BLTP1: variants seen among roughly 807,000 people sequenced by gnomAD.
BLTP1 encodes fragile site-associated protein.
chr4:122,353,692 A>G, the BLTP1 span: 1 of 1,180,742 alleles, frequency 8.5e-7, no homozygotes, highest in Non-Finnish European at 1.1e-6. The surrounding 1 kb of genome is among the most constrained non-coding windows in gnomAD (Gnocchi z 4.3). Flanking sequence ...ATCCTCATTT[A>G]TTCTTCATTT....
At chr4:122,189,855 T>A in the BLTP1 span, 2 of 1,285,124 alleles carry the variant, frequency 1.6e-6, no homozygotes, top group Non-Finnish European at 2.0e-6. Context: ...AAGATGTTTT[T>A]CTTTCTTTTC....
chr4:122,316,444 C>T, the BLTP1 span: 64 of 485,436 alleles, frequency 1.3e-4, 1 homozygote, highest in Admixed American at 7.7e-4. Flanking sequence ...CCCAAATCAG[C>T]GCCATTCTGT....
the BLTP1 span, chr4:122,215,538 G>A: frequency 1.0e-6 from 1 of 985,380 alleles, no homozygotes; most frequent in Non-Finnish European, 1.2e-6. Context: ...ACAGATGGAA[G>A]TATCAAAGGA....
the BLTP1 span, among the ~76,000 whole-genome samples, chr4:122,184,270 A>G: frequency 6.6e-6 from 1 of 152,222 alleles, no homozygotes; most frequent in Admixed American, 6.5e-5. Context: ...CCATCTCTGC[A>G]GTGTAAGTAA....
chr4:122,261,877 G>C, the BLTP1 span: 2 of 985,382 alleles, frequency 2.0e-6, no homozygotes, highest in Non-Finnish European at 2.4e-6. Context: ...TCATCTAAGT[G>C]AGGATGACTG....
chr4:122,338,690 A>T, the BLTP1 span, among the ~76,000 whole-genome samples: 3 of 151,544 alleles, frequency 2.0e-5, no homozygotes, highest in Non-Finnish European at 2.9e-5. Flanking sequence ...AGGAATTACT[A>T]AAAAAAGAGA....
At chr4:122,207,187 A>G in the BLTP1 span, 1 of 1,612,116 alleles carries the variant, frequency 6.2e-7, no homozygotes. Flanking sequence ...TTTTAAAATC[A>G]TGTTTCATCA....
the BLTP1 span, among the ~76,000 whole-genome samples, chr4:122,154,688 A>G: frequency 2.6e-5 from 4 of 152,240 alleles, no homozygotes; most frequent in Middle Eastern, 3.4e-3. Context: ...CCTGGCTAAC[A>G]TGGTGAAACC....
At chr4:122,330,174 T>C in the BLTP1 span, among the ~76,000 whole-genome samples, 2 of 151,846 alleles carry the variant, frequency 1.3e-5, no homozygotes, top group Non-Finnish European at 2.9e-5. Context: ...TTGTGAAAAA[T>C]GCTGCAGTGA....
At chr4:122,174,054 G>C in the BLTP1 span, 1 of 220,524 alleles carries the variant, frequency 4.5e-6, no homozygotes, top group Non-Finnish European at 7.7e-6. Flanking sequence ...AAATAGGAGG[G>C]TGTATTAGGA....
the BLTP1 span, chr4:122,324,318 T>G: frequency 8.9e-7 from 1 of 1,121,930 alleles, no homozygotes; most frequent in Non-Finnish European, 1.2e-6. Context: ...AACATTAAAG[T>G]CCCCTGGGGA....
chr4:122,183,004 A>G, the BLTP1 span: 2 of 985,212 alleles, frequency 2.0e-6, no homozygotes, highest in Non-Finnish European at 1.2e-6. Context: ...GAGATGTAAT[A>G]TTTCATGATC....
chr4:122,220,256 T>G, the BLTP1 span: 3 of 1,461,536 alleles, frequency 2.1e-6, no homozygotes, highest in African/African-American at 4.3e-5. Context: ...TCATGACAGA[T>G]GTAATTTTTA....
chr4:122,274,757 T>A, the BLTP1 span: 2 of 332,798 alleles, frequency 6.0e-6, no homozygotes, highest in Non-Finnish European at 8.6e-6. Flanking sequence ...AATGTTGTGC[T>A]ACTGTTATCC....
At chr4:122,226,471 T>A in the BLTP1 span, 2 of 1,266,210 alleles carry the variant, frequency 1.6e-6, no homozygotes, top group Non-Finnish European at 2.0e-6. Context: ...TCAGTTGCAA[T>A]TAGTTTTCAT....
the BLTP1 span, chr4:122,190,006 G>A: frequency 5.3e-5 from 85 of 1,611,932 alleles, no homozygotes; most frequent in Non-Finnish European, 6.8e-5. Context: ...ATAGACCACC[G>A]AGATTAATGG....
At chr4:122,306,786 T>C in the BLTP1 span, 1 of 550,790 alleles carries the variant, frequency 1.8e-6, no homozygotes, top group Non-Finnish European at 2.3e-6. Context: ...CTAATTAATG[T>C]GGATTGGGCA....
the BLTP1 span, among the ~76,000 whole-genome samples, chr4:122,156,629 A>G: frequency 1.3e-5 from 2 of 152,214 alleles, no homozygotes; most frequent in Non-Finnish European, 2.9e-5. Flanking sequence ...TATTTCAGAA[A>G]GTTTAGTTGT....
the BLTP1 span, chr4:122,239,882 A>G: frequency 1.9e-6 from 3 of 1,613,880 alleles, no homozygotes; most frequent in Non-Finnish European, 1.7e-6. Context: ...CTGCTGAGGA[A>G]TTTGAGCCCA....
Sources: allele counts gnomAD v4.1 joint callset (sites outside exome capture counted in the v4.1 genomes callset), GRCh38; gene constraint gnomAD v4.1.1; non-coding constraint Gnocchi (gnomAD v3.1); transcripts MANE v1.5; gene names NCBI Gene and HGNC (gene_info 2026-07-23, HGNC 2026-07-21).